The following GRID2 variants were observed in gnomAD, a reference collection of about 807,000 sequenced individuals.
GRID2 encodes the protein glutamate ionotropic receptor delta type subunit 2.
A neutral mutation model predicts 114.8 loss-of-function variants in GRID2; 33 were observed. The observed-to-expected ratio is 0.29, with a 90% CI of 0.22 to 0.38. The LOEUF (loss-of-function observed/expected upper bound fraction) is 0.38, where lower values mean the gene tolerates loss of function less well. Among genes scored for constraint, GRID2 ranks in the 10% least tolerant of loss-of-function variants. The probability of loss-of-function intolerance (pLI) is 1.00; values close to 1 mark genes in which losing one functional copy is unlikely to be tolerated. For missense variants in GRID2, 1,184 were observed against 1,257.7 expected (o/e 0.94, Z 0.89); for synonymous variants, 505 against 449.9 (o/e 1.12, Z -1.55).
intron 14 of GRID2, among the ~76,000 whole-genome samples, chr4:93,628,398 A>C (rs1168878036): frequency 6.6e-6 from 1 of 152,090 alleles, no homozygotes; most frequent in African/African-American, 2.4e-5. Flanking sequence ...TGTGTAGTTA[A>C]GGTACTGAAA....
chr4:93,245,239 G>T (rs540931347), intron 8 of GRID2, among the ~76,000 whole-genome samples: 1 of 152,156 alleles, frequency 6.6e-6, no homozygotes, highest in Admixed American at 6.5e-5. Flanking sequence ...ATGAACTAAT[G>T]AATACATGTG....
intron 2 of GRID2, among the ~76,000 whole-genome samples, chr4:92,939,432 T>A (rs1246236591): frequency 6.8e-6 from 1 of 147,328 alleles, no homozygotes; most frequent in Middle Eastern, 3.3e-3. Flanking sequence ...TTCTTGTAAA[T>A]TTGTTTGAGT....
At chr4:93,787,032 T>C (rs1734607286) in intron 1 of GRID2, among the ~76,000 whole-genome samples, 1 of 151,842 alleles carries the variant, frequency 6.6e-6, no homozygotes, top group African/African-American at 2.4e-5. Flanking sequence ...CTCAGTGGCT[T>C]GATCTAATAG....
chr4:92,318,798 GAGA>G (rs1726151210), intron 1 of GRID2, among the ~76,000 whole-genome samples: 1 of 152,068 alleles, frequency 6.6e-6, no homozygotes, highest in East Asian at 1.9e-4. Context: ...TAGCAAGTCA[GAGA>G]AGAATTCAGG....
At chr4:92,349,375 G>A (rs1381019509) in intron 1 of GRID2, among the ~76,000 whole-genome samples, 1 of 151,736 alleles carries the variant, frequency 6.6e-6, no homozygotes, top group Non-Finnish European at 1.5e-5. Flanking sequence ...AGTTAATAAT[G>A]CCAATTATTA....
intron 1 of GRID2, among the ~76,000 whole-genome samples, chr4:92,530,672 C>T (rs531778973): frequency 5.4e-5 from 8 of 149,140 alleles, no homozygotes; most frequent in Admixed American, 2.7e-4. Context: ...GAGGCCAAGG[C>T]GGGCAGATCA....
chr4:93,104,048 CG>C (rs1490204458), intron 3 of GRID2, among the ~76,000 whole-genome samples: 1 of 151,882 alleles, frequency 6.6e-6, no homozygotes, highest in African/African-American at 2.4e-5. Flanking sequence ...TTTCTCTCCC[CG>C]GCTAGTAGTC....
At chr4:93,456,213 A>G (rs1723175240) in intron 11 of GRID2, among the ~76,000 whole-genome samples, 1 of 152,168 alleles carries the variant, frequency 6.6e-6, no homozygotes, top group African/African-American at 2.4e-5. Context: ...AACAAAGGCA[A>G]ATGTGAATGT....
chr4:92,714,823 C>T (rs982123378), intron 2 of GRID2, among the ~76,000 whole-genome samples: 1 of 152,088 alleles, frequency 6.6e-6, no homozygotes, highest in Non-Finnish European at 1.5e-5. Flanking sequence ...GATCCTGGGC[C>T]CAGCCCGTGA....
intron 1 of GRID2, among the ~76,000 whole-genome samples, chr4:93,791,575 C>T (rs1009237127): frequency 6.6e-6 from 1 of 152,152 alleles, no homozygotes; most frequent in Non-Finnish European, 1.5e-5. Context: ...GTTTTATCCA[C>T]TAAAAATGTG....
chr4:92,736,507 G>GAT (rs994699326), intron 2 of GRID2, among the ~76,000 whole-genome samples: 1 of 152,024 alleles, frequency 6.6e-6, no homozygotes, highest in Admixed American at 6.6e-5. Flanking sequence ...TTCCCAAAAG[G>GAT]ATATACTCAT....
intron 2 of GRID2, among the ~76,000 whole-genome samples, chr4:92,930,003 G>A (rs1032799555): frequency 4.0e-5 from 6 of 151,144 alleles, no homozygotes; most frequent in African/African-American, 1.5e-4. Context: ...GTGAAAATAT[G>A]GGAAACTCCT....
intron 1 of GRID2, among the ~76,000 whole-genome samples, chr4:92,379,007 T>A (rs1283845781): frequency 6.6e-6 from 1 of 151,946 alleles, no homozygotes; most frequent in Non-Finnish European, 1.5e-5. Flanking sequence ...ATTTCTATTT[T>A]TGTAAAGGAA....
At chr4:93,322,838 T>A (rs1757385242) in intron 8 of GRID2, among the ~76,000 whole-genome samples, 2 of 152,220 alleles carry the variant, frequency 1.3e-5, no homozygotes, top group Non-Finnish European at 2.9e-5. Flanking sequence ...GCTGCATAAA[T>A]GTCTTCTTTT....
At chr4:92,509,851 T>C (rs1257047605) in intron 1 of GRID2, among the ~76,000 whole-genome samples, 1 of 151,926 alleles carries the variant, frequency 6.6e-6, no homozygotes, top group African/African-American at 2.4e-5. Flanking sequence ...CAGATCATAC[T>C]TTAAAAAATA....
intron 4 of GRID2, among the ~76,000 whole-genome samples, chr4:93,162,229 A>G (rs1737755640): frequency 6.6e-6 from 1 of 151,946 alleles, no homozygotes; most frequent in African/African-American, 2.4e-5. Context: ...TTTTATCAGA[A>G]TTGTAATAAG....
intron 4 of GRID2, among the ~76,000 whole-genome samples, chr4:93,120,438 C>G (rs953585789): frequency 1.3e-5 from 2 of 152,116 alleles, no homozygotes; most frequent in Admixed American, 1.3e-4. Flanking sequence ...AATTCATGCC[C>G]TTTGCAGCGA....
At chr4:93,038,652 G>A (rs1359737932) in intron 2 of GRID2, among the ~76,000 whole-genome samples, 2 of 151,974 alleles carry the variant, frequency 1.3e-5, no homozygotes, top group African/African-American at 4.8e-5. Context: ...TTAGCCAGGC[G>A]TGGTGGTGGG....
chr4:93,571,030 G>A (rs1489530512), intron 13 of GRID2, among the ~76,000 whole-genome samples: 1 of 152,120 alleles, frequency 6.6e-6, no homozygotes, highest in Non-Finnish European at 1.5e-5. Flanking sequence ...TAGAGAGCGA[G>A]CAAGAGGGTG....
Sources: allele counts gnomAD v4.1 joint callset (sites outside exome capture counted in the v4.1 genomes callset), GRCh38; gene constraint gnomAD v4.1.1; transcripts MANE v1.5; gene names NCBI Gene and HGNC (gene_info 2026-07-23, HGNC 2026-07-21).